ZNF593: variants seen among roughly 807,000 people sequenced by gnomAD.
ZNF593 encodes BUD20 homolog.
In ZNF593, 18 loss-of-function variants were observed where a neutral mutation model predicts 12.9. The observed-to-expected ratio is 1.40, with a 90% CI of 0.96 to 2.07. The LOEUF (loss-of-function observed/expected upper bound fraction) is 2.07, where lower values mean the gene tolerates loss of function less well. Ranked by LOEUF, ZNF593 falls within the 30% of genes most tolerant of loss-of-function variation. The pLI is 0.00. For missense variants in ZNF593, 198 were observed against 186.7 expected (o/e 1.06, Z -0.35); for synonymous variants, 79 against 79.9 (o/e 0.99, Z 0.06).
In ZNF593 at chr1:26,169,918, G is replaced by A. The variant is rs576363399; in HGVS notation, c.-66G>A. 82 of 1,456,148 alleles carry A rather than the reference G, an allele frequency of 5.6e-5. 1 individual carries two copies. The South Asian group carries it at 1.1e-3, about 19-fold the overall frequency. The allele number at this position is 1,456,148 out of a possible 1,614,324, so 90.2% of individuals were successfully genotyped here. On this transcript the variant is annotated 5_prime_UTR_variant, in exon 1 of 3. Transcript: ENST00000374266. ...TGGCCTGACGTAGCTGATCGGCCCG[G>A]AAGTGCTCACACGTGTGCTCCCTGC...
intron 1 of ZNF593, 25 bp from the exon 2 acceptor site, chr1:26,170,393 C>A (rs1249363082): frequency 6.2e-7 from 1 of 1,609,050 alleles, no homozygotes; most frequent in East Asian, 2.2e-5. Flanking sequence ...CCTCCTCACT[C>A]TCCTTCTCAC....
chr1:26,170,671 C>T lies in ZNF593; in HGVS notation c.360C>T (p.Pro120=), dbSNP rs1477769189. 3.7e-6 allele frequency: 6 copies of T among 1,610,798 alleles called. No homozygotes were observed. Among genetic ancestry groups the T allele is most frequent in the Non-Finnish European group, 5.1e-6 (6 of 1,180,000 alleles). ...SYVPPRRLAV[P]TEVSTEVPEM... ...TGCCCCCCAGGCGGCTGGCAGTGCCCACGGAAGTGTCCACTGAGGTCCCTG... is the reference window on the plus strand; with the variant it reads ...TGCCCCCCAGGCGGCTGGCAGTGCCTACGGAAGTGTCCACTGAGGTCCCTG... The change falls in exon 3 of 3, where the codon CCC becomes CCT. Residue 120 remains proline (P), a synonymous_variant. Transcript: ENST00000374266.
rs1393439235 is a variant in ZNF593 at position 26,170,596 on chromosome 1, G to C, written c.285G>C (p.Glu95Asp). 6.2e-7 allele frequency: 1 copy of C among 1,613,794 alleles called. No individual in the cohort carries two copies. Among genetic ancestry groups the C allele is most frequent in the Non-Finnish European group, 8.5e-7 (1 of 1,180,024 alleles). Residue 95 changes from glutamate to aspartate, a missense_variant, in exon 3 of 3, where the codon GAG (glutamate) becomes GAC (aspartate). By Grantham distance (45) the Glu-to-Asp change is conservative. Coordinates refer to ENST00000374266, the MANE Select transcript of ZNF593 (RefSeq NM_015871.5). ...HKKRLKQLSV[E>D]PYSQEEAERA... ...CCAGGCTGAAGCAGCTGAGCGTCGA[G>C]CCCTACAGTCAGGAAGAGGCGGAGA...
Position 26,170,166 on chromosome 1 carries a change from C to A in ZNF593, c.183C>A (p.His61Gln). The change falls in exon 1 of 3, where the codon CAC becomes CAA. Residue 61 changes from histidine to glutamine, a missense_variant. His to Gln is a conservative substitution (Grantham distance 24). Coordinates refer to ENST00000374266, the MANE Select transcript of ZNF593 (RefSeq NM_015871.5). ...CCGACCTGCCAGGGGGCGGTCTGCA[C>A]CGCTGTCTGGCCTGCGCGTGAGTCC... The part of the protein sequence containing the change: ...FDPDLPGGGL[H>Q]RCLACARYFI... 6.4e-7 allele frequency: 1 copy of A among 1,571,274 alleles called. No individual in the cohort carries two copies. The highest frequency in any genetic ancestry group is 8.6e-7 in the Non-Finnish European group (1 of 1,161,666).
At position 26,170,203 on chromosome 1, in the gene ZNF593, G is replaced by C. The variant is rs1161122157; in HGVS notation, c.200+20G>C. 1 of 1,576,226 alleles carries C rather than the reference G, an allele frequency of 6.3e-7. No individual in the cohort carries two copies. On this transcript the variant is annotated intron_variant, in intron 1 of 2. Coordinates refer to ENST00000374266, the MANE Select transcript of ZNF593 (RefSeq NM_015871.5). The stretch of plus-strand genomic sequence containing the variant: ...CTGCGCGTGAGTCCCGGACGAGCCC[G>C]GCCTGGGGCGGAGGAGGGTCCGCGG...
At chr1:26,170,299 G>C in intron 1 of ZNF593, 116 bp downstream of exon 1, 1 of 1,519,386 alleles carries the variant, frequency 6.6e-7, no homozygotes, top group East Asian at 2.3e-5. Context: ...CCGTGGGTCC[G>C]CCCGCCTCCC....
Position 26,170,602 on chromosome 1 carries a change from C to G in ZNF593, c.291C>G (p.Tyr97Ter). ...KRLKQLSVEP[Y>*]SQEEAERAAG... ...TGAAGCAGCTGAGCGTCGAGCCCTA[C>G]AGTCAGGAAGAGGCGGAGAGGGCAG... Residue 97 changes from tyrosine (Y) to a stop codon, truncating the protein, a stop_gained, in exon 3 of 3, where the codon TAC (tyrosine) becomes TAG (stop). Transcript: ENST00000374266. LOFTEE classifies it high-confidence loss of function. 1 of 1,613,770 alleles carries G rather than the reference C, an allele frequency of 6.2e-7. No homozygotes were observed. Among genetic ancestry groups the G allele is most frequent in the Non-Finnish European group, 8.5e-7 (1 of 1,180,028 alleles).
rs1239017515 is a variant in ZNF593, at chr1:26,170,570, C to T, written c.264-5C>T. On this transcript the variant is annotated splice_region_variant and splice_polypyrimidine_tract_variant and intron_variant, in intron 2 of 2. Coordinates refer to ENST00000374266, the MANE Select transcript of ZNF593 (RefSeq NM_015871.5). ...GCTCCCAACTCCTGTTTTTCTTTCT[C>T]CCAGGCTGAAGCAGCTGAGCGTCGA... is the stretch of plus-strand genomic sequence containing the variant. 4 of 1,613,816 alleles carry T rather than the reference C, an allele frequency of 2.5e-6. No individual in the cohort carries two copies. The highest frequency in any genetic ancestry group is 1.1e-5 in the South Asian group (1 of 91,096).
At position 26,169,911 on chromosome 1, in the gene ZNF593, C is replaced by A; in HGVS notation, c.-73C>A. The stretch of plus-strand genomic sequence containing the variant: ...CCCGGCGTGGCCTGACGTAGCTGAT[C>A]GGCCCGGAAGTGCTCACACGTGTGC... On this transcript the variant is annotated 5_prime_UTR_variant, in exon 1 of 3. Transcript: ENST00000374266. 1 of 1,401,268 alleles carries A rather than the reference C, an allele frequency of 7.1e-7. No homozygotes were observed. Among genetic ancestry groups the A allele is most frequent in the South Asian group, 1.5e-5 (1 of 66,564 alleles). The allele number at this position is 1,401,268 out of a possible 1,614,324, so 86.8% of individuals were successfully genotyped here.
At position 26,170,869 on chromosome 1, in the gene ZNF593, G is replaced by A; in HGVS notation, c.*153G>A. 1 of 989,582 alleles carries A rather than the reference G, an allele frequency of 1.0e-6. No individual in the cohort carries two copies. The highest frequency in any genetic ancestry group is 1.4e-6 in the Non-Finnish European group (1 of 692,270). 61.3% of individuals were successfully genotyped at this position (989,582 alleles called of 1,614,324 possible). A position where few individuals can be genotyped will look rare whatever the true frequency, so the allele number is the denominator to read the frequency against. On this transcript the variant is annotated 3_prime_UTR_variant, in exon 3 of 3. Transcript: ENST00000374266. ...GCCCCAAATAAAGGAACTGGACAAAGAGAACTTGCCTCCAACTCTAACTTC... is the reference window on the plus strand; with the variant it reads ...GCCCCAAATAAAGGAACTGGACAAAAAGAACTTGCCTCCAACTCTAACTTC...
In ZNF593 at chr1:26,170,421, G is replaced by T; in HGVS notation, c.204G>T (p.Arg68Ser). The change falls in exon 2 of 3, where the codon AGG (arginine) becomes AGT (serine). Residue 68 changes from arginine (R) to serine (S), a missense_variant. Arg to Ser is a moderately radical substitution (Grantham distance 110). Coordinates refer to ENST00000374266, the MANE Select transcript of ZNF593 (RefSeq NM_015871.5). ...CTTCTCACTTCCATTCCTACAGGAG[G>T]TACTTCATCGATTCCACCAACCTGA... is the stretch of plus-strand genomic sequence containing the variant. ...GGLHRCLACA[R>S]YFIDSTNLKT... 6.2e-7 allele frequency: 1 copy of T among 1,613,920 alleles called. No homozygotes were observed. Among genetic ancestry groups the T allele is most frequent in the Non-Finnish European group, 8.5e-7 (1 of 1,179,856 alleles).
At position 26,170,603 on chromosome 1, in the gene ZNF593, A is replaced by G. The variant is rs137855017; in HGVS notation, c.292A>G (p.Ser98Gly). Residue 98 changes from serine to glycine, a missense_variant, in exon 3 of 3, where the codon AGT becomes GGT. Coordinates refer to ENST00000374266, the MANE Select transcript of ZNF593 (RefSeq NM_015871.5). Reference sequence around the variant, plus strand: ...GAAGCAGCTGAGCGTCGAGCCCTACAGTCAGGAAGAGGCGGAGAGGGCAGC... The same window carrying G: ...GAAGCAGCTGAGCGTCGAGCCCTACGGTCAGGAAGAGGCGGAGAGGGCAGC... Reference protein sequence around the residue: ...RLKQLSVEPYSQEEAERAAGM... With the variant: ...RLKQLSVEPYGQEEAERAAGM... 3.7e-6 allele frequency: 6 copies of G among 1,613,606 alleles called. No homozygotes were observed. The highest frequency in any genetic ancestry group is 2.2e-5 in the East Asian group (1 of 44,890).
chr1:26,170,090 G>T lies in ZNF593; in HGVS notation c.107G>T (p.Arg36Leu). 6.4e-7 allele frequency: 1 copy of T among 1,572,140 alleles called. No homozygotes were observed. ...PDLDEIHREL[R>L]PQGSARPQPD... ...TTGGATGAGATTCACCGCGAGCTGC[G>T]GCCTCAGGGATCCGCACGACCCCAG... is the stretch of plus-strand genomic sequence containing the variant. The change falls in exon 1 of 3, where the codon CGG becomes CTG. Residue 36 changes from arginine (R) to leucine (L), a missense_variant. Coordinates refer to ENST00000374266, the MANE Select transcript of ZNF593 (RefSeq NM_015871.5).
chr1:26,170,260 A>G, intron 1 of ZNF593, 77 bp downstream of exon 1: 1 of 1,565,886 alleles, frequency 6.4e-7, no homozygotes. Flanking sequence ...TTGAAGCCCC[A>G]GGCAGCGCAG....
At position 26,170,454 on chromosome 1, in the gene ZNF593, C is replaced by A. The variant is rs1233099483; in HGVS notation, c.237C>A (p.His79Gln). The A allele has an allele frequency of 6.2e-7, 1 of 1,614,230 alleles. No individual in the cohort carries two copies. Residue 79 changes from histidine to glutamine, a missense_variant, in exon 2 of 3, where the codon CAC (histidine) becomes CAA (glutamine). Transcript: ENST00000374266. ...TCGATTCCACCAACCTGAAGACCCA[C>A]TTCCGATCCAAAGACCACAAGAAAA... Reference protein sequence around the residue: ...YFIDSTNLKTHFRSKDHKKRL... With the variant: ...YFIDSTNLKTQFRSKDHKKRL...
Position 26,170,695 on chromosome 1 carries a change from T to A in ZNF593, c.384T>A (p.Pro128=), listed in dbSNP as rs1389937747. 4 of 1,608,044 alleles carry A rather than the reference T, an allele frequency of 2.5e-6. No individual in the cohort carries two copies. The African/African-American group carries it at 5.3e-5, about 21-fold the overall frequency. ...AVPTEVSTEV[P]EMDTST ...CCACGGAAGTGTCCACTGAGGTCCC[T>A]GAGATGGATACCTCTACCTGACATG... Residue 128 remains proline, a synonymous_variant, in exon 3 of 3, where the codon CCT becomes CCA. Coordinates refer to ENST00000374266, the MANE Select transcript of ZNF593 (RefSeq NM_015871.5).
chr1:26,170,867 A>C lies in ZNF593; in HGVS notation c.*151A>C, dbSNP rs1332479988. On this transcript the variant is annotated 3_prime_UTR_variant, in exon 3 of 3. Transcript: ENST00000374266. ...CTGCCCCAAATAAAGGAACTGGACA[A>C]AGAGAACTTGCCTCCAACTCTAACT... The C allele has an allele frequency of 5.8e-5, 58 of 1,003,206 alleles. 2 individuals are homozygous for C. The South Asian group carries it at 9.3e-4, about 16-fold the overall frequency. The allele number at this position is 1,003,206 out of a possible 1,614,324, so 62.1% of individuals were successfully genotyped here.
chr1:26,170,388 T>A, intron 1 of ZNF593, 30 bp from the exon 2 acceptor site: 1 of 1,603,162 alleles, frequency 6.2e-7, no homozygotes, highest in Non-Finnish European at 8.5e-7. Context: ...TATCACCTCC[T>A]CACTCTCCTT....
Position 26,169,995 on chromosome 1 carries a change from CCG to C in ZNF593, c.14_15del (p.Arg5ProfsTer25). ...GGCTGTTTCTGGCCATGGGTCGCTCCCGCCGGACAGGCGCGCACCGAGCGCAC... is the reference window on the plus strand; with the variant it reads ...GGCTGTTTCTGGCCATGGGTCGCTCCCCGGACAGGCGCGCACCGAGCGCAC... MGRS[R>X]RTGAHRAHSL... On this transcript the variant is annotated frameshift_variant, in exon 1 of 3. Coordinates refer to ENST00000374266, the MANE Select transcript of ZNF593 (RefSeq NM_015871.5). LOFTEE classifies it high-confidence loss of function. The C allele has an allele frequency of 6.5e-7, 1 of 1,548,462 alleles. No individual in the cohort carries two copies. The highest frequency in any genetic ancestry group is 8.7e-7 in the Non-Finnish European group (1 of 1,150,400).
Sources: gnomAD v4.1 joint callset for allele counts on GRCh38, gnomAD v4.1.1 for gene constraint, MANE v1.5 for transcripts, NCBI Gene and HGNC (gene_info 2026-07-23, HGNC 2026-07-21) for gene names.